Variants in PPFIA1 observed in about 807,000 individuals in gnomAD.
The protein encoded by PPFIA1 is liprin-alpha-1.
In PPFIA1, 25 loss-of-function variants were observed where a neutral mutation model predicts 149.9. The observed-to-expected ratio is 0.17, with a 90% CI of 0.12 to 0.23. The LOEUF (loss-of-function observed/expected upper bound fraction) is 0.23, where lower values mean the gene tolerates loss of function less well. Ranked by LOEUF, PPFIA1 falls within the 10% of genes least tolerant of loss-of-function variation. The pLI is 1.00. For synonymous variants in PPFIA1, 549 were observed against 552.8 expected, an observed-to-expected ratio of 0.99 and a Z score of 0.10; for missense variants, 1,362 against 1,506.5, an observed-to-expected ratio of 0.90 and a Z score of 1.59.
At chr11:70,366,717 A>G (rs1327478711) in intron 21 of PPFIA1, among the ~76,000 whole-genome samples, 1 of 152,248 alleles carries the variant, frequency 6.6e-6, no homozygotes, top group Non-Finnish European at 1.5e-5. Flanking sequence ...ATCATTATAT[A>G]TCTGAAAAGA....
chr11:70,369,853 T>TTG (rs2057137033), intron 21 of PPFIA1, among the ~76,000 whole-genome samples: 1 of 152,038 alleles, frequency 6.6e-6, no homozygotes, highest in African/African-American at 2.4e-5. Flanking sequence ...CCCAGGCTGG[T>TTG]CTCAGACACC....
intron 2 of PPFIA1, among the ~76,000 whole-genome samples, chr11:70,300,740 G>A (rs559868585): frequency 6.8e-4 from 103 of 152,168 alleles, no homozygotes; most frequent in East Asian, 5.6e-3. Context: ...TCACCATGTT[G>A]GCCAGGATGG....
chr11:70,278,943 A>G (rs753676339), intron 2 of PPFIA1: 8 of 614,132 alleles, frequency 1.3e-5, no homozygotes, highest in African/African-American at 1.9e-5. Context: ...TTTCTTCCCA[A>G]TTAGAGATTT....
intron 2 of PPFIA1, among the ~76,000 whole-genome samples, chr11:70,287,111 C>T (rs2051199184): frequency 6.6e-6 from 1 of 152,022 alleles, no homozygotes; most frequent in Non-Finnish European, 1.5e-5. Context: ...CCTCAGCCTC[C>T]CAGAGTGCTG....
intron 13 of PPFIA1, 135 bp from the exon 14 acceptor site, chr11:70,339,036 A>G (rs1017442508): frequency 1.4e-5 from 14 of 1,032,000 alleles, no homozygotes; most frequent in Non-Finnish European, 1.8e-5. Context: ...CTTGGGGCAG[A>G]TGAGAGCAGT....
chr11:70,301,576 T>C lies in PPFIA1; in HGVS notation c.265-22826T>C, dbSNP rs375498650. ...AAAATCATAAGGCATTAGACAAATA[T>C]AGTTATTGCAGTTTACATCTTTTGA... On this transcript the variant is annotated intron_variant, in intron 2 of 27. Coordinates refer to ENST00000253925, the MANE Select transcript of PPFIA1 (RefSeq NM_003626.5). Among the ~76,000 whole-genome samples, 73 of 152,332 alleles carry C rather than the reference T, an allele frequency of 4.8e-4. No homozygotes were observed. The South Asian group carries it at 0.014, about 29-fold the overall frequency.
chr11:70,325,642 C>A, intron 5 of PPFIA1, 68 bp downstream of exon 5: 1 of 1,267,868 alleles, frequency 7.9e-7, no homozygotes, highest in Non-Finnish European at 1.1e-6. Context: ...TTATTAAAAG[C>A]AGCATAAGGC....
At chr11:70,357,019 G>A (rs1443729504) in intron 19 of PPFIA1, among the ~76,000 whole-genome samples, 2 of 152,036 alleles carry the variant, frequency 1.3e-5, no homozygotes, top group African/African-American at 4.8e-5. Flanking sequence ...TCTGGGATGC[G>A]GGGTGAGTTG....
chr11:70,308,308 A>C (rs1011566353), intron 2 of PPFIA1, among the ~76,000 whole-genome samples: 2 of 152,180 alleles, frequency 1.3e-5, no homozygotes, highest in African/African-American at 2.4e-5. Flanking sequence ...TTAGCCTCCC[A>C]AAGTGCTGGG....
At chr11:70,273,918 C>T (rs1357585847) in intron 2 of PPFIA1, among the ~76,000 whole-genome samples, 3 of 152,164 alleles carry the variant, frequency 2.0e-5, no homozygotes, top group Non-Finnish European at 2.9e-5. Flanking sequence ...AATGGGCACA[C>T]AAGACATGTC....
At chr11:70,286,641 A>G (rs989620881) in intron 2 of PPFIA1, among the ~76,000 whole-genome samples, 1 of 151,926 alleles carries the variant, frequency 6.6e-6, no homozygotes, top group Non-Finnish European at 1.5e-5. Context: ...CCTGAGGCCC[A>G]CTGACTCTCA....
At chr11:70,376,354 T>TGACC (rs2057490499) in intron 24 of PPFIA1, among the ~76,000 whole-genome samples, 178 bp from the exon 25 acceptor site, 1 of 152,204 alleles carries the variant, frequency 6.6e-6, no homozygotes, top group Admixed American at 6.5e-5. Flanking sequence ...CTTGAACTCC[T>TGACC]GACCTCAGGT....
At chr11:70,365,267 C>A in intron 21 of PPFIA1, 1 of 379,342 alleles carries the variant, frequency 2.6e-6, no homozygotes, top group Non-Finnish European at 5.4e-6. Context: ...GCGAACTTTG[C>A]CTCCTCGGCC....
intron 2 of PPFIA1, among the ~76,000 whole-genome samples, chr11:70,273,870 CAAAT>C (rs551790028): frequency 2.0e-3 from 297 of 152,178 alleles, no homozygotes; most frequent in African/African-American, 6.7e-3. Flanking sequence ...AAGTGTATAT[CAAAT>C]ACTAATATAC....
intron 15 of PPFIA1, among the ~76,000 whole-genome samples, chr11:70,345,760 G>A (rs1461966528): frequency 3.3e-5 from 5 of 152,146 alleles, no homozygotes; most frequent in Non-Finnish European, 5.9e-5. Flanking sequence ...CCAGGAGTTC[G>A]AGGCTGCAGC....
At chr11:70,361,188 G>A (rs1398678896) in intron 19 of PPFIA1, among the ~76,000 whole-genome samples, 1 of 152,208 alleles carries the variant, frequency 6.6e-6, no homozygotes, top group Non-Finnish European at 1.5e-5. Flanking sequence ...TACTGTTAAA[G>A]CTGTAGAAGA....
chr11:70,335,430 CAA>C (rs2054913296), intron 10 of PPFIA1, 131 bp from the exon 11 acceptor site: 2 of 1,031,912 alleles, frequency 1.9e-6, no homozygotes, highest in African/African-American at 1.6e-5. Flanking sequence ...AAAGTCCACT[CAA>C]GATGGCAGTG....
chr11:70,325,247 T>C, intron 4 of PPFIA1: 1 of 434,448 alleles, frequency 2.3e-6, no homozygotes, highest in Non-Finnish European at 3.9e-6. Flanking sequence ...GCAAAAGTAA[T>C]TGTGGGCAAA....
intron 2 of PPFIA1, among the ~76,000 whole-genome samples, chr11:70,294,492 G>A (rs1016235947): frequency 2.0e-5 from 3 of 151,944 alleles, no homozygotes; most frequent in Non-Finnish European, 4.4e-5. Context: ...TGAGTGTAAC[G>A]AGGCTTTGTG....
Sources: gnomAD v4.1 joint callset for allele counts (sites outside exome capture counted in the v4.1 genomes callset) on GRCh38, gnomAD v4.1.1 for gene constraint, MANE v1.5 for transcripts, NCBI Gene and HGNC (gene_info 2026-07-23, HGNC 2026-07-21) for gene names.